DEPDC5: variants seen among roughly 807,000 people sequenced by gnomAD.
DEPDC5 encodes GATOR1 complex protein DEPDC5.
In DEPDC5, 73 loss-of-function variants were observed where a neutral mutation model predicts 217.3. That is an observed-to-expected ratio of 0.34 (90% CI 0.28 to 0.41). The LOEUF (loss-of-function observed/expected upper bound fraction) is 0.41. Ranked by LOEUF, DEPDC5 falls within the 10% of genes least tolerant of loss-of-function variation. The probability of loss-of-function intolerance (pLI) is 1.00; values close to 1 mark genes in which losing one functional copy is unlikely to be tolerated. For synonymous variants in DEPDC5, 733 were observed against 756.7 expected, an observed-to-expected ratio of 0.97 and a Z score of 0.51; for missense variants, 1,675 against 2,070.1, an observed-to-expected ratio of 0.81 and a Z score of 3.70.
intron 36 of DEPDC5, chr22:31,875,831 C>T (rs969825045): frequency 2.2e-5 from 4 of 184,046 alleles, no homozygotes; most frequent in African/African-American, 2.4e-5. Context: ...TGGGATTTCA[C>T]CATGTTGGCC....
At chr22:31,763,224 C>T (rs1037074505) in intron 4 of DEPDC5, among the ~76,000 whole-genome samples, 1 of 151,948 alleles carries the variant, frequency 6.6e-6, no homozygotes. Context: ...CTGCTGACCT[C>T]GTGATCCGCC....
At chr22:31,893,946 G>T (rs2093494093) in intron 39 of DEPDC5, 195 bp downstream of exon 39, 1 of 589,230 alleles carries the variant, frequency 1.7e-6, no homozygotes, top group South Asian at 2.9e-5. Flanking sequence ...TAGAATCAGG[G>T]TTTCTTAGCC....
chr22:31,870,814 G>A (rs2092819685), intron 34 of DEPDC5, 70 bp downstream of exon 34: 2 of 1,419,942 alleles, frequency 1.4e-6, no homozygotes, highest in South Asian at 3.4e-5. Flanking sequence ...GGCTGCAGAG[G>A]CTGAAGTCCA....
rs1461545989 is a variant in DEPDC5 at position 31,906,325 on chromosome 22, A to T, written c.4640A>T (p.Asn1547Ile). The T allele has an allele frequency of 1.9e-6, 3 of 1,613,858 alleles. No individual in the cohort carries two copies. The highest frequency in any genetic ancestry group is 2.5e-6 in the Non-Finnish European group (3 of 1,179,938). ...TTCTGCGAGGAGCGGGTCGGCTACA[A>T]CTGGGCCTACAACACCATGCTCACC... Reference protein sequence around the residue: ...NMFCEERVGYNWAYNTMLTKT... With the variant: ...NMFCEERVGYIWAYNTMLTKT... The change falls in exon 43 of 43, where the codon AAC becomes ATC. Residue 1547 changes from asparagine to isoleucine, a missense_variant. By Grantham distance (149) the Asn-to-Ile change is moderately radical. Around this residue, in one of 11 missense-constraint regions of DEPDC5, gnomAD observed 42 missense variants for 27.7 expected, o/e 1.51. Transcript: ENST00000651528. The surrounding 1 kb of genome is among the most constrained non-coding windows in gnomAD (Gnocchi z 5.1).
At chr22:31,856,155 G>GCGCGCACACACACACA (rs1226909374) in intron 31 of DEPDC5, among the ~76,000 whole-genome samples, 9 of 140,676 alleles carry the variant, frequency 6.4e-5, no homozygotes, top group African/African-American at 2.1e-4. Context: ...GGGCCAACGC[G>GCGCGCACACACACACA]CACACACACA....
chr22:31,786,320 G>A (rs1382232928), intron 10 of DEPDC5, among the ~76,000 whole-genome samples: 4 of 150,912 alleles, frequency 2.7e-5, no homozygotes, highest in Non-Finnish European at 2.9e-5. Flanking sequence ...CATGGGAGGC[G>A]GAGGTGGGCA....
intron 20 of DEPDC5, among the ~76,000 whole-genome samples, chr22:31,813,751 T>G (rs2088725847): frequency 6.6e-6 from 1 of 151,958 alleles, no homozygotes; most frequent in African/African-American, 2.4e-5. Flanking sequence ...AAATAGAGAA[T>G]AGTATCATGA....
chr22:31,854,457 C>T (rs895421369), intron 31 of DEPDC5, among the ~76,000 whole-genome samples: 3 of 152,178 alleles, frequency 2.0e-5, no homozygotes, highest in African/African-American at 7.2e-5. Flanking sequence ...AATCTAGCAC[C>T]TAGTTTTTTG....
chr22:31,785,173 C>T (rs1483005529), intron 10 of DEPDC5: 2 of 217,050 alleles, frequency 9.2e-6, no homozygotes, highest in Non-Finnish European at 1.8e-5. Context: ...AGACAGACCA[C>T]CTAGGCAAGC....
intron 38 of DEPDC5, among the ~76,000 whole-genome samples, chr22:31,886,930 A>G (rs2093329094): frequency 6.6e-6 from 1 of 150,848 alleles, no homozygotes; most frequent in Non-Finnish European, 1.5e-5. Flanking sequence ...AAAGATACAA[A>G]AAATTAGCAT....
chr22:31,761,172 G>A (rs1246592109), intron 4 of DEPDC5, among the ~76,000 whole-genome samples: 6 of 151,936 alleles, frequency 3.9e-5, no homozygotes, highest in East Asian at 3.9e-4. Flanking sequence ...TAGTAGACAC[G>A]AGGTTTCACC....
At chr22:31,795,167 T>G (rs1040339218) in intron 12 of DEPDC5, among the ~76,000 whole-genome samples, 13 of 149,762 alleles carry the variant, frequency 8.7e-5, no homozygotes, top group Non-Finnish European at 1.9e-4. Flanking sequence ...GCCTCCCTAG[T>G]ACAAGCAATT....
chr22:31,819,878 A>G (rs988919036), intron 22 of DEPDC5, among the ~76,000 whole-genome samples: 1 of 152,032 alleles, frequency 6.6e-6, no homozygotes, highest in Admixed American at 6.6e-5. Flanking sequence ...TTGGATATTG[A>G]TATCCTGTCT....
At chr22:31,878,760 C>T (rs557672124) in intron 37 of DEPDC5, among the ~76,000 whole-genome samples, 3 of 151,846 alleles carry the variant, frequency 2.0e-5, no homozygotes, top group Non-Finnish European at 4.4e-5. Context: ...TTTTTAGGGC[C>T]GGGTACGGTG....
intron 37 of DEPDC5, among the ~76,000 whole-genome samples, chr22:31,877,019 T>C (rs1407282744): frequency 6.6e-6 from 1 of 151,960 alleles, no homozygotes; most frequent in African/African-American, 2.4e-5. Context: ...GGTGCATGCA[T>C]GTAATCCCAG....
At chr22:31,839,142 C>G (rs540677512) in intron 27 of DEPDC5, among the ~76,000 whole-genome samples, 66 of 152,326 alleles carry the variant, frequency 4.3e-4, no homozygotes, top group African/African-American at 1.5e-3. Context: ...CACTACTGAG[C>G]TGTCAACGTT....
intron 7 of DEPDC5, among the ~76,000 whole-genome samples, chr22:31,774,106 A>T (rs746690896): frequency 1.6e-4 from 24 of 152,030 alleles, no homozygotes; most frequent in Non-Finnish European, 2.9e-4. Context: ...AACAACAAAA[A>T]ATATATATAT....
At chr22:31,797,125 G>A (rs963649611) in intron 12 of DEPDC5, among the ~76,000 whole-genome samples, 4 of 151,188 alleles carry the variant, frequency 2.6e-5, no homozygotes, top group Non-Finnish European at 4.4e-5. Context: ...GGTTATCTCA[G>A]CTCACTGTAC....
At chr22:31,904,371 A>AGGTAAAAAAAAATTACTCT (rs1054963823) in intron 41 of DEPDC5, among the ~76,000 whole-genome samples, 7 of 152,192 alleles carry the variant, frequency 4.6e-5, no homozygotes, top group Non-Finnish European at 7.4e-5. Context: ...GGAAGAAATG[A>AGGTAAAAAAAAATTACTCT]GGTAAAAAAA....
Sources: gnomAD v4.1 joint callset for allele counts (sites outside exome capture counted in the v4.1 genomes callset) on GRCh38, gnomAD v4.1.1 for gene constraint, gnomAD v4.1.1 regional missense constraint, Gnocchi (gnomAD v3.1) non-coding constraint, MANE v1.5 for transcripts, NCBI Gene and HGNC (gene_info 2026-07-23, HGNC 2026-07-21) for gene names.